CCDC12: variants seen among roughly 807,000 people sequenced by gnomAD.
CCDC12 encodes the protein coiled-coil domain containing 12.
CCDC12 carries 28 observed loss-of-function variants against 25.7 expected under a neutral mutation model. That is an observed-to-expected ratio of 1.09 (90% confidence interval 0.81 to 1.50). The LOEUF is 1.50. Ranked by LOEUF, CCDC12 falls within the 40% of genes most tolerant of loss-of-function variation. The pLI is 0.00. For missense variants in CCDC12, 198 were observed against 210.0 expected (o/e 0.94, Z 0.35); for synonymous variants, 75 against 87.7 (o/e 0.86, Z 0.81).
rs540102590 is a variant in CCDC12 at position 46,934,922 on chromosome 3, C to T, written c.164+6076G>A. Among the ~76,000 whole-genome samples, 38 of 152,346 alleles carry T rather than the reference C, an allele frequency of 2.5e-4. No homozygotes were observed. The South Asian group carries it at 7.7e-3, about 31-fold the overall frequency. ...GTGGAACAATGCATGCCAAATCAAG[C>T]TGATGTCATGGATCAAACAACCATG... On this transcript the variant is annotated intron_variant, in intron 2 of 6. Transcript: ENST00000683445.
rs542047990 is a variant in CCDC12 at position 46,947,411 on chromosome 3, G to A, written c.97-6346C>T. On this transcript the variant is annotated intron_variant, in intron 1 of 6. Coordinates refer to ENST00000683445, the MANE Select transcript of CCDC12 (RefSeq NM_001277074.2). ...TTCCTGTCGGGTGCTGCCGTGGTGG[G>A]AGCTGTGTTCCAAGGGCACTTAGCG... 7.2e-4 allele frequency among the ~76,000 whole-genome samples: 110 copies of A among 152,314 alleles called. 3 individuals are homozygous for A. The South Asian group carries it at 0.022, about 30-fold the overall frequency.
chr3:46,923,624 G>GCTCGGGCTTGGCGGC lies in CCDC12; in HGVS notation c.274_288dup (p.Ala92_Glu96dup). On this transcript the variant is annotated inframe_insertion, in exon 4 of 7. Transcript: ENST00000683445. The stretch of plus-strand genomic sequence containing the variant: ...GCACTCACCACCTCCTCGATGACGG[G>GCTCGGGCTTGGCGGC]CTCGGGCTTGGCGGCCTCCAGCTGC... The GCTCGGGCTTGGCGGC allele has an allele frequency of 6.3e-7, 1 of 1,594,240 alleles. No homozygotes were observed. Among genetic ancestry groups the GCTCGGGCTTGGCGGC allele is most frequent in the Non-Finnish European group, 8.6e-7 (1 of 1,169,354 alleles).
At chr3:46,979,715 C>T, upstream of CCDC12, 1 of 308,644 alleles carries the variant, frequency 3.2e-6, no homozygotes. Flanking sequence ...CCGCGGAGGC[C>T]ACAGCCGCAG....
At chr3:46,976,872 T>G (rs1241408148), upstream of CCDC12, 8 of 1,403,294 alleles carry the variant, frequency 5.7e-6, no homozygotes, top group African/African-American at 1.4e-5. Context: ...GGGGTTATTA[T>G]GGGCGAGCCC....
In CCDC12 at chr3:46,972,369, G is replaced by GA. The variant is rs1314754618; in HGVS notation, c.96+4267dup. ...AATGAAAAGATAATCCAGAGAATGG[G>GA]AAAAAATATCACTAATCTCATCTCT... is the stretch of plus-strand genomic sequence containing the variant. On this transcript the variant is annotated intron_variant, in intron 1 of 6. Coordinates refer to ENST00000683445, the MANE Select transcript of CCDC12 (RefSeq NM_001277074.2). Among the ~76,000 whole-genome samples, 4 of 151,976 alleles carry GA rather than the reference G, an allele frequency of 2.6e-5. No homozygotes were observed. The South Asian group carries it at 8.3e-4, about 31-fold the overall frequency.
chr3:46,957,917 T>C (rs1056715057), intron 1 of CCDC12, among the ~76,000 whole-genome samples: 3 of 150,274 alleles, frequency 2.0e-5, no homozygotes, highest in Non-Finnish European at 4.4e-5. Flanking sequence ...CACTCCAGCC[T>C]GGCCAACAGA....
intron 2 of CCDC12, among the ~76,000 whole-genome samples, chr3:46,931,112 T>C (rs951753457): frequency 3.9e-5 from 6 of 152,224 alleles, no homozygotes; most frequent in African/African-American, 1.4e-4. Flanking sequence ...AGGGCAGGAA[T>C]GTGGCTGGGC....
intron 1 of CCDC12, among the ~76,000 whole-genome samples, chr3:46,942,569 G>T (rs2033751684): frequency 6.6e-6 from 1 of 152,172 alleles, no homozygotes; most frequent in Non-Finnish European, 1.5e-5. Context: ...GCTTTATGTG[G>T]AGACTGCAGG....
intron 1 of CCDC12, among the ~76,000 whole-genome samples, chr3:46,944,388 C>T (rs2033827021): frequency 6.6e-6 from 1 of 152,098 alleles, no homozygotes; most frequent in Admixed American, 6.5e-5. Flanking sequence ...AGACCTGGTC[C>T]CATGTGCTCA....
rs1343992814 is a variant in CCDC12, at chr3:46,976,398, T to G, written c.96+239A>C. On this transcript the variant is annotated intron_variant, in intron 1 of 6. Coordinates refer to ENST00000683445, the MANE Select transcript of CCDC12 (RefSeq NM_001277074.2). ...AGGAGTCAGATGGACTGCGGGTCGC[T>G]GACCACTGCCTTGCCCACCCCCGCG... The G allele has an allele frequency of 8.5e-6, 12 of 1,405,882 alleles. No individual in the cohort carries two copies. In the Admixed American group the frequency reaches 3.6e-4, roughly 42 times the overall value. 87.1% of individuals were successfully genotyped at this position (1,405,882 alleles called of 1,614,324 possible).
At chr3:46,944,041 G>C (rs1184647080) in intron 1 of CCDC12, among the ~76,000 whole-genome samples, 1 of 152,294 alleles carries the variant, frequency 6.6e-6, no homozygotes, top group Non-Finnish European at 1.5e-5. Context: ...TTTGCTGCCC[G>C]GGATAGTGGA....
At chr3:46,971,043 G>T (rs1205447680) in intron 1 of CCDC12, among the ~76,000 whole-genome samples, 2 of 152,136 alleles carry the variant, frequency 1.3e-5, no homozygotes, top group Admixed American at 1.3e-4. Context: ...CTGTATCACT[G>T]CCAAGTGCTT....
At chr3:46,943,489 A>C (rs1174485869) in intron 1 of CCDC12, among the ~76,000 whole-genome samples, 1 of 152,232 alleles carries the variant, frequency 6.6e-6, no homozygotes, top group Admixed American at 6.5e-5. Flanking sequence ...CAAGACCCCC[A>C]GCCACAAAGA....
chr3:46,947,264 C>T (rs2033942313), intron 1 of CCDC12, among the ~76,000 whole-genome samples: 1 of 152,214 alleles, frequency 6.6e-6, no homozygotes, highest in Non-Finnish European at 1.5e-5. Context: ...AAGAGATGGG[C>T]ACATAGTGCC....
Position 46,951,798 on chromosome 3 carries a change from A to AAT in CCDC12, c.97-10735_97-10734dup, listed in dbSNP as rs1553649460. Among the ~76,000 whole-genome samples the AAT allele has an allele frequency of 4.5e-3, 38 of 8,464 alleles. 2 individuals are homozygous for AAT. Among genetic ancestry groups the AAT allele is most frequent in the African/African-American group, 8.1e-3 (33 of 4,066 alleles). 5.6% of individuals were successfully genotyped at this position (8,464 alleles called of 152,430 possible). On this transcript the variant is annotated intron_variant, in intron 1 of 6. Transcript: ENST00000683445. ...CCGTCTCAAAAAAAAAAAAAAAAAA[A>AAT]ATATATATATATATATATATATATA...
At chr3:46,970,348 ATTC>A (rs1329906400) in intron 1 of CCDC12, among the ~76,000 whole-genome samples, 1 of 152,008 alleles carries the variant, frequency 6.6e-6, no homozygotes, top group East Asian at 1.9e-4. Context: ...GCCCAAGACA[ATTC>A]TTCTTCCATT....
intron 2 of CCDC12, among the ~76,000 whole-genome samples, chr3:46,926,632 G>A (rs9810881): frequency 0.044 from 6,665 of 152,170 alleles, 521 homozygotes; most frequent in African/African-American, 0.15. Context: ...TCCACAGGGC[G>A]GCAGGGCGAG....
At chr3:46,954,461 A>T (rs1287531963) in intron 1 of CCDC12, among the ~76,000 whole-genome samples, 1 of 152,188 alleles carries the variant, frequency 6.6e-6, no homozygotes, top group Non-Finnish European at 1.5e-5. Context: ...CCCTGTTTAC[A>T]TCAATTCTGG....
At chr3:46,949,184 G>A (rs895353352) in intron 1 of CCDC12, among the ~76,000 whole-genome samples, 3 of 152,214 alleles carry the variant, frequency 2.0e-5, no homozygotes, top group Admixed American at 2.0e-4. Context: ...GCCAGGGAAG[G>A]CAGTGTTTTT....
Sources: allele counts gnomAD v4.1 joint callset (sites outside exome capture counted in the v4.1 genomes callset), GRCh38; gene constraint gnomAD v4.1.1; transcripts MANE v1.5; gene names NCBI Gene and HGNC (gene_info 2026-07-23, HGNC 2026-07-21).